PDE11A: variants seen among roughly 807,000 people sequenced by gnomAD.
PDE11A encodes the protein dual 3',5'-cyclic-AMP and -GMP phosphodiesterase 11A.
In PDE11A, 100 loss-of-function variants were observed where a neutral mutation model predicts 100.5. The ratio of observed to expected loss-of-function variants is 1.00; its 90% CI spans 0.85 to 1.18. The LOEUF (loss-of-function observed/expected upper bound fraction) is 1.18. Among genes scored for constraint, PDE11A ranks in the 50% most tolerant of loss-of-function variants. The pLI is 0.00. For synonymous variants in PDE11A, 381 were observed against 420.8 expected, an observed-to-expected ratio of 0.91 and a Z score of 1.16; for missense variants, 1,141 against 1,152.6, an observed-to-expected ratio of 0.99 and a Z score of 0.15.
intron 13 of PDE11A, among the ~76,000 whole-genome samples, chr2:177,707,589 G>A (rs934478606): frequency 6.6e-6 from 1 of 151,608 alleles, no homozygotes; most frequent in African/African-American, 2.4e-5. Flanking sequence ...TTTTTCATCC[G>A]CTTGGTATGT....
chr2:178,094,212 C>T (rs2087459844), intron 2 of PDE11A, among the ~76,000 whole-genome samples: 1 of 151,932 alleles, frequency 6.6e-6, no homozygotes, highest in Non-Finnish European at 1.5e-5. Context: ...CACATACATA[C>T]ACACAGCAGA....
At chr2:177,745,252 T>G (rs572874626) in intron 10 of PDE11A, among the ~76,000 whole-genome samples, 15 of 152,242 alleles carry the variant, frequency 9.9e-5, no homozygotes, top group Admixed American at 8.5e-4. Context: ...ATATCTCAGG[T>G]CTTTGGGAGA....
intron 2 of PDE11A, among the ~76,000 whole-genome samples, chr2:177,934,337 C>T (rs183901717): frequency 2.0e-5 from 3 of 152,250 alleles, no homozygotes; most frequent in African/African-American, 7.2e-5. Context: ...CACAAACAGA[C>T]ACTTCTCAGA....
At position 178,072,066 on chromosome 2, in the gene PDE11A, A is replaced by T; in HGVS notation, c.372T>A (p.Ser124Arg). The change falls in exon 1 of 20, where the codon AGT becomes AGA. Residue 124 changes from serine (S) to arginine (R), a missense_variant. Coordinates refer to ENST00000286063, the MANE Select transcript of PDE11A (RefSeq NM_016953.4). ...CGTGGATGGCCTTGGAGCGGGCAAAACTCTTCCTTAGCTCTTTCTGAGAAG... is the reference window on the plus strand; with the variant it reads ...CGTGGATGGCCTTGGAGCGGGCAAATCTCTTCCTTAGCTCTTTCTGAGAAG... ...RRASQKELRK[S>R]FARSKAIHVN... 6.2e-7 allele frequency: 1 copy of T among 1,612,836 alleles called. No individual in the cohort carries two copies. Among genetic ancestry groups the T allele is most frequent in the Non-Finnish European group, 8.5e-7 (1 of 1,179,622 alleles).
At chr2:177,685,823 T>A (rs909419705) in intron 15 of PDE11A, among the ~76,000 whole-genome samples, 1 of 152,192 alleles carries the variant, frequency 6.6e-6, no homozygotes, top group African/African-American at 2.4e-5. Context: ...TGCCTCGGCC[T>A]CCCATAGTGC....
rs2080461291 is a variant in PDE11A at position 177,660,109 on chromosome 2, C to CCT, written c.2646+3756_2646+3757insAG. Among the ~76,000 whole-genome samples, 4 of 93,030 alleles carry CCT rather than the reference C, an allele frequency of 4.3e-5. No individual in the cohort carries two copies. In the South Asian group the frequency reaches 1.1e-3, roughly 25 times the overall value. The allele number at this position is 93,030 out of a possible 152,430, so 61.0% of individuals were successfully genotyped here. On this transcript the variant is annotated intron_variant, in intron 19 of 19. Transcript: ENST00000286063. ...TTTCTTTCTTTCTTTCTCTCTCTCT[C>CCT]TCTTTCTTTCTTTCTTTCTTTCATT...
At chr2:178,065,533 G>A (rs1227934581) in intron 1 of PDE11A, among the ~76,000 whole-genome samples, 2 of 152,154 alleles carry the variant, frequency 1.3e-5, no homozygotes, top group Admixed American at 1.3e-4. Flanking sequence ...TTGTCCTTGT[G>A]TTTATCACGA....
chr2:177,916,850 C>T (rs990797767), intron 2 of PDE11A, among the ~76,000 whole-genome samples: 7 of 151,702 alleles, frequency 4.6e-5, no homozygotes, highest in Middle Eastern at 3.4e-3. Flanking sequence ...AGCTCCGCCT[C>T]CCGGGTCCAC....
intron 2 of PDE11A, among the ~76,000 whole-genome samples, chr2:177,906,789 A>C (rs752749794): frequency 8.5e-5 from 13 of 152,330 alleles, no homozygotes; most frequent in African/African-American, 2.6e-4. Context: ...CAGATATTCC[A>C]TTAGAATTTC....
chr2:178,013,539 G>A (rs1397541772), intron 2 of PDE11A, among the ~76,000 whole-genome samples: 1 of 152,070 alleles, frequency 6.6e-6, no homozygotes, highest in African/African-American at 2.4e-5. Flanking sequence ...ACATCCAGAA[G>A]GTTAAATTAT....
chr2:177,979,611 C>CTTTTTTTTTTT lies in PDE11A; in HGVS notation c.1071+34680_1071+34690dup, dbSNP rs57168619. ...GTGTGAATGGATATCCTCAGATGAT[C>CTTTTTTTTTTT]TTTTTTTTTTTTTTTTTGAGACAGA... is the stretch of plus-strand genomic sequence containing the variant. On this transcript the variant is annotated intron_variant, in intron 2 of 19. Transcript: ENST00000286063. 3.4e-3 allele frequency among the ~76,000 whole-genome samples: 365 copies of CTTTTTTTTTTT among 106,804 alleles called. 28 individuals are homozygous for CTTTTTTTTTTT. Among genetic ancestry groups the CTTTTTTTTTTT allele is most frequent in the African/African-American group, 7.4e-3 (176 of 23,854 alleles). The allele number at this position is 106,804 out of a possible 152,430, so 70.1% of individuals were successfully genotyped here. A position where few individuals can be genotyped will look rare whatever the true frequency, so the allele number is the denominator to read the frequency against.
chr2:177,857,041 C>G (rs2083846352), intron 5 of PDE11A, among the ~76,000 whole-genome samples: 1 of 151,906 alleles, frequency 6.6e-6, no homozygotes, highest in African/African-American at 2.4e-5. Flanking sequence ...AAGAAAAAAT[C>G]TTGAAAACAA....
At chr2:178,095,486 G>A (rs187136523) in intron 2 of PDE11A, among the ~76,000 whole-genome samples, 63 of 152,332 alleles carry the variant, frequency 4.1e-4, no homozygotes, top group Non-Finnish European at 2.9e-5. Flanking sequence ...GCTCCTGGCT[G>A]CTTTCACAGG....
intron 9 of PDE11A, among the ~76,000 whole-genome samples, chr2:177,787,800 C>A (rs1407066240): frequency 1.3e-5 from 2 of 152,086 alleles, no homozygotes; most frequent in African/African-American, 2.4e-5. Flanking sequence ...AAGGCCATCA[C>A]ATAATGGTAA....
chr2:177,980,975 T>TACACACACACAC (rs3073403), intron 2 of PDE11A, among the ~76,000 whole-genome samples: 1 of 129,688 alleles, frequency 7.7e-6, no homozygotes, highest in Non-Finnish European at 1.7e-5. Context: ...GAGAACTAGA[T>TACACACACACAC]ACACACACAC....
chr2:177,882,432 A>G (rs1380244993), intron 4 of PDE11A, among the ~76,000 whole-genome samples: 1 of 152,234 alleles, frequency 6.6e-6, no homozygotes, highest in Middle Eastern at 3.2e-3. Flanking sequence ...AATAGAATTT[A>G]TGCTTTATTC....
intron 19 of PDE11A, among the ~76,000 whole-genome samples, chr2:177,641,413 C>T (rs1172727012): frequency 1.7e-5 from 2 of 120,920 alleles, no homozygotes; most frequent in Non-Finnish European, 3.4e-5. Context: ...TGCATTTTCA[C>T]GTTTTACTGA....
intron 2 of PDE11A, among the ~76,000 whole-genome samples, chr2:177,919,816 G>A (rs10164920): frequency 0.087 from 13,160 of 152,000 alleles, 539 homozygotes; most frequent in South Asian, 0.1. Flanking sequence ...TTCAAATGAA[G>A]TGAAAAATGT....
intron 2 of PDE11A, among the ~76,000 whole-genome samples, chr2:178,013,070 C>A (rs2086290836): frequency 1.3e-5 from 2 of 152,130 alleles, no homozygotes; most frequent in African/African-American, 4.8e-5. Flanking sequence ...TGATGGAGGC[C>A]TATTTTTGCT....
Sources: allele counts gnomAD v4.1 joint callset (sites outside exome capture counted in the v4.1 genomes callset), GRCh38; gene constraint gnomAD v4.1.1; transcripts MANE v1.5; gene names NCBI Gene and HGNC (gene_info 2026-07-23, HGNC 2026-07-21).